The following PCDH7 variants were observed in gnomAD, a reference collection of about 807,000 sequenced individuals.
The protein encoded by PCDH7 is protocadherin 7.
A neutral mutation model predicts 58.9 loss-of-function variants in PCDH7; 17 were observed. The observed-to-expected ratio is 0.29, with a 90% CI of 0.20 to 0.43. The LOEUF (loss-of-function observed/expected upper bound fraction) is 0.43. PCDH7 is among the 20% of genes least tolerant of loss of function. PCDH7 has a pLI of 1.00. For missense variants in PCDH7, 1,274 were observed against 1,441.0 expected, an observed-to-expected ratio of 0.88 and a Z score of 1.88; for synonymous variants, 664 against 616.4, an observed-to-expected ratio of 1.08 and a Z score of -1.14.
In PCDH7 at chr4:30,721,284, C is replaced by G; in HGVS notation, c.-139C>G. ...CCAACTCTCCACGCCGCTTTTGCCC[C>G]CTCCCTCCCCTCCCTCTCGCTCCTT... On this transcript the variant is annotated 5_prime_UTR_variant, in exon 1 of 2. Coordinates refer to ENST00000361762, the Ensembl canonical transcript of PCDH7. The surrounding 1 kb of genome is among the most constrained non-coding windows in gnomAD (Gnocchi z 6.7). 4 of 859,488 alleles carry G rather than the reference C, an allele frequency of 4.7e-6. No homozygotes were observed. Among genetic ancestry groups the G allele is most frequent in the Non-Finnish European group, 6.8e-6 (4 of 589,414 alleles). 53.2% of individuals were successfully genotyped at this position (859,488 alleles called of 1,614,324 possible).
chr4:31,011,347 T>C (rs1414574074), intron 3 of PCDH7, among the ~76,000 whole-genome samples: 2 of 152,046 alleles, frequency 1.3e-5, no homozygotes, highest in African/African-American at 4.8e-5. Context: ...TCACTATTCT[T>C]GGAACTTGTT....
intron 1 of PCDH7, among the ~76,000 whole-genome samples, chr4:30,907,265 A>G (rs1258104167): frequency 6.6e-6 from 1 of 152,152 alleles, no homozygotes; most frequent in Non-Finnish European, 1.5e-5. Flanking sequence ...ATGGGATCTG[A>G]TTACCTAAAG....
At chr4:30,935,681 A>G (rs909330990) in intron 2 of PCDH7, among the ~76,000 whole-genome samples, 2 of 152,264 alleles carry the variant, frequency 1.3e-5, no homozygotes, top group Non-Finnish European at 1.5e-5. Context: ...GAGATTACAG[A>G]CAACCGTCAA....
chr4:31,052,956 T>G (rs2109223652), intron 3 of PCDH7, among the ~76,000 whole-genome samples: 1 of 152,290 alleles, frequency 6.6e-6, no homozygotes, highest in East Asian at 1.9e-4. Flanking sequence ...TTAAGTATTT[T>G]AATGCTATGG....
chr4:30,787,556 G>A (rs554628012), intron 1 of PCDH7, among the ~76,000 whole-genome samples: 1 of 152,170 alleles, frequency 6.6e-6, no homozygotes, highest in East Asian at 1.9e-4. Flanking sequence ...GGTTAACTAT[G>A]TAAGTGTTCT....
intron 1 of PCDH7, among the ~76,000 whole-genome samples, chr4:30,909,560 CA>C: frequency 6.6e-6 from 1 of 152,166 alleles, no homozygotes; most frequent in South Asian, 2.1e-4. Context: ...AAATTATGAG[CA>C]AACTCCCATT....
chr4:30,761,054 A>G (rs1719957390), intron 1 of PCDH7, among the ~76,000 whole-genome samples: 1 of 152,180 alleles, frequency 6.6e-6, no homozygotes, highest in Non-Finnish European at 1.5e-5. Context: ...CTCTCTGTTT[A>G]ATAGGCACCC....
rs1370690410 is a variant in PCDH7 at position 30,915,616 on chromosome 4, C to T, written c.71-4537C>T. 1.2e-4 allele frequency among the ~76,000 whole-genome samples: 19 copies of T among 152,026 alleles called. 1 individual carries two copies. Among genetic ancestry groups the T allele is most frequent in the Admixed American group, 2.0e-4 (3 of 15,250 alleles). On this transcript the variant is annotated intron_variant, in intron 1 of 3. Transcript: ENST00000509759. ...TCGGCTCACTGCAACCTTTGCCTCCCGGGTTCAAGCGATTCTCCTGCCTCA... is the reference window on the plus strand; with the variant it reads ...TCGGCTCACTGCAACCTTTGCCTCCTGGGTTCAAGCGATTCTCCTGCCTCA...
intron 2 of PCDH7, among the ~76,000 whole-genome samples, chr4:30,920,924 T>A (rs1743108958): frequency 6.6e-6 from 1 of 151,884 alleles, no homozygotes; most frequent in South Asian, 2.1e-4. Flanking sequence ...ATTTCCCTCC[T>A]ATTCAAGTAT....
chr4:30,830,428 C>A (rs6842866), intron 1 of PCDH7, among the ~76,000 whole-genome samples: 41,058 of 151,840 alleles, frequency 0.27, 6,415 homozygotes, highest in African/African-American at 0.43. Context: ...TTAGATTTCA[C>A]ATTTTGCATA....
intron 3 of PCDH7, among the ~76,000 whole-genome samples, chr4:31,000,824 T>C (rs1428597528): frequency 6.6e-6 from 1 of 152,080 alleles, no homozygotes; most frequent in Non-Finnish European, 1.5e-5. Context: ...TGGTGGCTCT[T>C]ACAGCTAGTA....
chr4:30,998,629 T>G (rs967193055), intron 3 of PCDH7, among the ~76,000 whole-genome samples: 5 of 152,120 alleles, frequency 3.3e-5, no homozygotes, highest in African/African-American at 1.2e-4. Context: ...CCAGCAACCA[T>G]GTTTTCACAA....
At chr4:31,032,975 CT>C (rs560779139) in intron 3 of PCDH7, among the ~76,000 whole-genome samples, 1,737 of 151,184 alleles carry the variant, frequency 0.011, 27 homozygotes, top group African/African-American at 0.036. Context: ...GTGTTTATGA[CT>C]TTTTTTTTGT....
intron 1 of PCDH7, among the ~76,000 whole-genome samples, chr4:30,788,352 T>A (rs1178374889): frequency 1.3e-5 from 2 of 152,120 alleles, no homozygotes; most frequent in Non-Finnish European, 2.9e-5. Flanking sequence ...TTTGTACTCG[T>A]TTCTTTTTAT....
chr4:30,846,363 C>T (rs528498817), intron 1 of PCDH7, among the ~76,000 whole-genome samples: 1 of 152,190 alleles, frequency 6.6e-6, no homozygotes, highest in Middle Eastern at 3.4e-3. Context: ...ATCTGGCCTC[C>T]TTGCTCCCCC....
At chr4:30,839,304 A>G (rs764167567) in intron 1 of PCDH7, among the ~76,000 whole-genome samples, 1 of 152,094 alleles carries the variant, frequency 6.6e-6, no homozygotes, top group African/African-American at 2.4e-5. Flanking sequence ...AGTCAAGCTG[A>G]CTTAAGTTCA....
At chr4:30,758,559 T>C (rs1488254269) in intron 1 of PCDH7, among the ~76,000 whole-genome samples, 1 of 152,192 alleles carries the variant, frequency 6.6e-6, no homozygotes, top group African/African-American at 2.4e-5. Context: ...CATACATATA[T>C]ATTTGAGGAC....
At chr4:30,889,137 C>CAAAAAAAAAAAAAA (rs371917620) in intron 1 of PCDH7, among the ~76,000 whole-genome samples, 4,034 of 49,228 alleles carry the variant, frequency 0.082, 194 homozygotes, top group Non-Finnish European at 0.1. Flanking sequence ...GCAGATATCT[C>CAAAAAAAAAAAAAA]AAAAAAAAAA....
intron 1 of PCDH7, among the ~76,000 whole-genome samples, chr4:30,739,437 A>G (rs1254860656): frequency 2.0e-5 from 3 of 148,224 alleles, no homozygotes; most frequent in Non-Finnish European, 4.4e-5. Context: ...GTATAAACAA[A>G]TATATATTTT....
Sources: allele counts gnomAD v4.1 joint callset (sites outside exome capture counted in the v4.1 genomes callset), GRCh38; gene constraint gnomAD v4.1.1; non-coding constraint Gnocchi (gnomAD v3.1); transcripts MANE v1.5; gene names NCBI Gene and HGNC (gene_info 2026-07-23, HGNC 2026-07-21).